VRK2: variants seen among roughly 807,000 people sequenced by gnomAD.
VRK2 encodes VRK serine/threonine kinase 2, also known as serine/threonine-protein kinase VRK2.
A neutral mutation model predicts 57.6 loss-of-function variants in VRK2; 60 were observed. The observed-to-expected ratio is 1.04, with a 90% CI of 0.85 to 1.29. The LOEUF is 1.29. Ranked by LOEUF, VRK2 falls within the 50% of genes most tolerant of loss-of-function variation. VRK2 has a pLI of 0.00. For synonymous variants in VRK2, 231 were observed against 199.2 expected (o/e 1.16, Z -1.35); for missense variants, 705 against 588.1 (o/e 1.20, Z -2.06).
intron 1 of VRK2, among the ~76,000 whole-genome samples, chr2:58,019,762 T>G (rs1263282835): frequency 1.3e-5 from 2 of 152,126 alleles, no homozygotes; most frequent in Non-Finnish European, 2.9e-5. Flanking sequence ...TTGCTCAGAG[T>G]AAAGAGTAAA....
intron 1 of VRK2, among the ~76,000 whole-genome samples, chr2:57,960,260 C>T (rs1435553940): frequency 6.6e-6 from 1 of 152,088 alleles, no homozygotes; most frequent in Non-Finnish European, 1.5e-5. Context: ...AGACAAAACA[C>T]CTGCCAGAGA....
chr2:58,012,093 A>G (rs1024879928), intron 1 of VRK2, among the ~76,000 whole-genome samples: 1 of 152,238 alleles, frequency 6.6e-6, no homozygotes, highest in Non-Finnish European at 1.5e-5. Flanking sequence ...ACAAAAGAGT[A>G]GCTCTGAAAT....
chr2:58,098,119 A>T (rs980253141), intron 7 of VRK2, among the ~76,000 whole-genome samples: 6 of 151,986 alleles, frequency 3.9e-5, no homozygotes, highest in Admixed American at 3.3e-4. Context: ...AAAAAGATTT[A>T]AAAAAATAAA....
chr2:57,923,197 C>G (rs547722264), intron 1 of VRK2, among the ~76,000 whole-genome samples: 1 of 152,154 alleles, frequency 6.6e-6, no homozygotes, highest in African/African-American at 2.4e-5. Flanking sequence ...GTGCAGATAT[C>G]TCTCCTATAA....
chr2:57,923,728 T>A (rs1670434603), intron 1 of VRK2, among the ~76,000 whole-genome samples: 1 of 151,986 alleles, frequency 6.6e-6, no homozygotes, highest in South Asian at 2.1e-4. Context: ...AGCTTTTTAG[T>A]TAGTTGTGAT....
intron 1 of VRK2, among the ~76,000 whole-genome samples, chr2:58,022,636 G>A (rs1177408147): frequency 6.6e-6 from 1 of 152,212 alleles, no homozygotes; most frequent in Non-Finnish European, 1.5e-5. Context: ...AGCACTTTGG[G>A]AGGCCGAGGT....
At chr2:58,157,404 C>G (rs1469308583) in intron 12 of VRK2, among the ~76,000 whole-genome samples, 3 of 152,152 alleles carry the variant, frequency 2.0e-5, no homozygotes, top group Non-Finnish European at 4.4e-5. Flanking sequence ...GGATGTTTCG[C>G]ATCATTCCTA....
intron 2 of VRK2, among the ~76,000 whole-genome samples, chr2:58,059,773 A>C (rs565611651): frequency 1.3e-5 from 2 of 151,896 alleles, no homozygotes; most frequent in South Asian, 4.1e-4. Context: ...TATAATAGAC[A>C]ACAGATAGTT....
chr2:58,062,335 C>T (rs1012795793), intron 2 of VRK2, among the ~76,000 whole-genome samples: 4 of 152,000 alleles, frequency 2.6e-5, no homozygotes, highest in African/African-American at 9.7e-5. Flanking sequence ...CTCTGTGATA[C>T]AGCAATTTTG....
At chr2:58,027,934 T>A (rs1026528049) in intron 2 of VRK2, among the ~76,000 whole-genome samples, 3 of 152,278 alleles carry the variant, frequency 2.0e-5, no homozygotes, top group Non-Finnish European at 4.4e-5. Flanking sequence ...ATAAACAACA[T>A]AGTTTTAGAA....
chr2:58,062,670 C>G (rs1449007785), intron 2 of VRK2, among the ~76,000 whole-genome samples: 1 of 152,082 alleles, frequency 6.6e-6, no homozygotes, highest in Non-Finnish European at 1.5e-5. Context: ...AGAGCAAGCT[C>G]CTAACTCTCT....
intron 7 of VRK2, among the ~76,000 whole-genome samples, chr2:58,120,122 A>G (rs939697774): frequency 5.9e-5 from 9 of 151,418 alleles, no homozygotes; most frequent in Non-Finnish European, 1.0e-4. Context: ...TGAAACAGTC[A>G]GTAAATAGCT....
intron 7 of VRK2, 41 bp from the exon 8 acceptor site, chr2:58,123,060 A>C (rs374117116): frequency 7.0e-6 from 11 of 1,563,534 alleles, no homozygotes; most frequent in Non-Finnish European, 9.5e-6. Flanking sequence ...ATGTTTTCAG[A>C]GGACAAAGGC....
intron 1 of VRK2, among the ~76,000 whole-genome samples, chr2:57,988,148 C>T (rs961673613): frequency 6.6e-6 from 1 of 152,088 alleles, no homozygotes; most frequent in Non-Finnish European, 1.5e-5. Flanking sequence ...GGGTGTGTCA[C>T]TGTAGGTAAA....
intron 2 of VRK2, among the ~76,000 whole-genome samples, chr2:58,027,364 T>C (rs1398804668): frequency 6.6e-6 from 1 of 152,088 alleles, no homozygotes; most frequent in Admixed American, 6.6e-5. Flanking sequence ...CAGGGGTGGA[T>C]AGTGGTAAGA....
At chr2:58,104,821 T>C (rs1674509576) in intron 7 of VRK2, among the ~76,000 whole-genome samples, 1 of 151,986 alleles carries the variant, frequency 6.6e-6, no homozygotes, top group Non-Finnish European at 1.5e-5. Flanking sequence ...ACTGCAAGGC[T>C]ATAGTAACCA....
chr2:58,059,711 G>A (rs968838669), intron 2 of VRK2, among the ~76,000 whole-genome samples: 4 of 151,838 alleles, frequency 2.6e-5, no homozygotes, highest in Non-Finnish European at 4.4e-5. Flanking sequence ...ACTCAAGGGT[G>A]ATTTCATGAA....
intron 2 of VRK2, among the ~76,000 whole-genome samples, chr2:58,072,281 G>T (rs1373045805): frequency 1.3e-5 from 2 of 151,782 alleles, no homozygotes; most frequent in Admixed American, 6.6e-5. Context: ...TTGTTTTATT[G>T]TATTAGCTAG....
intron 2 of VRK2, among the ~76,000 whole-genome samples, chr2:58,058,801 C>CA (rs1421029713): frequency 1.3e-5 from 2 of 151,982 alleles, no homozygotes; most frequent in African/African-American, 4.8e-5. Context: ...CTAAGGAAGA[C>CA]ATTGAGGCCT....
Sources: allele counts gnomAD v4.1 joint callset (sites outside exome capture counted in the v4.1 genomes callset), GRCh38; gene constraint gnomAD v4.1.1; transcripts MANE v1.5; gene names NCBI Gene and HGNC (gene_info 2026-07-23, HGNC 2026-07-21).